OPLAH: variants seen among roughly 807,000 people sequenced by gnomAD.
OPLAH encodes the protein 5-oxoprolinase, ATP-hydrolysing.
In OPLAH, 103 loss-of-function variants were observed where a neutral mutation model predicts 122.8. The ratio of observed to expected loss-of-function variants is 0.84; its 90% confidence interval spans 0.71 to 0.99. The LOEUF (loss-of-function observed/expected upper bound fraction) is 0.99. OPLAH is among the 50% of genes least tolerant of loss of function. The pLI, the probability that OPLAH is intolerant of heterozygous loss-of-function variation, is 0.00. For synonymous variants in OPLAH, 875 were observed against 796.0 expected (o/e 1.10, Z -1.67); for missense variants, 1,902 against 1,836.5 (o/e 1.04, Z -0.65).
intron 19 of OPLAH, 92 bp downstream of exon 19, chr8:144,054,469 G>A (rs1361779028): frequency 2.2e-6 from 3 of 1,361,998 alleles, no homozygotes; most frequent in Non-Finnish European, 3.0e-6. Context: ...TGGGCCTATG[G>A]GCTGCATCCC....
chr8:144,062,069 C>G (rs1835672809), upstream of OPLAH, among the ~76,000 whole-genome samples: 1 of 151,850 alleles, frequency 6.6e-6, no homozygotes, highest in African/African-American at 2.4e-5. Context: ...GGTGCTCTGT[C>G]TATGGGGTAA....
chr8:144,056,524 C>T lies in OPLAH; in HGVS notation c.1845-1G>A. On this transcript the variant is annotated splice_acceptor_variant, in intron 13 of 26. Transcript: ENST00000618853. LOFTEE classifies it high-confidence loss of function. ...GACAAAGCCAAACTCCCTCATGTAC[C>T]TGCACTCCCCGCGGGGACCCAAGGA... The T allele has an allele frequency of 6.2e-7, 1 of 1,612,134 alleles. No homozygotes were observed. The highest frequency in any genetic ancestry group is 1.1e-5 in the South Asian group (1 of 91,026).
chr8:144,055,957 C>CA lies in OPLAH; in HGVS notation c.2097-19dup. 6.4e-7 allele frequency: 1 copy of CA among 1,551,230 alleles called. No individual in the cohort carries two copies. The highest frequency in any genetic ancestry group is 1.2e-5 in the South Asian group (1 of 83,876). ...GGATGGTGCTGGGGAGCAGAGGGCA[C>CA]AGAGGGCTGCATGGGGCCAGGCGAC... On this transcript the variant is annotated intron_variant, in intron 15 of 26. Coordinates refer to ENST00000618853, the MANE Select transcript of OPLAH (RefSeq NM_017570.5). The surrounding 1 kb of genome is among the most constrained non-coding windows in gnomAD (Gnocchi z 6.5).
chr8:144,051,490 GGC>G lies in OPLAH; in HGVS notation c.3721-20_3721-19del, dbSNP rs781891990. On this transcript the variant is annotated intron_variant, in intron 26 of 26. Transcript: ENST00000618853. ...AACACATCCTGTTGGCGCGGGGGGG[GGC>G]GGGGAGGCGGGCTCAGTGCAGGCGT... 1.2e-3 allele frequency: 1,778 copies of G among 1,425,738 alleles called. 45 individuals are homozygous for G. In the African/African-American group the frequency reaches 0.021, roughly 17 times the overall value. 88.3% of individuals were successfully genotyped at this position (1,425,738 alleles called of 1,614,324 possible).
Position 144,056,380 on chromosome 8 carries a change from C to A in OPLAH, c.1983+5G>T. 1 of 1,602,724 alleles carries A rather than the reference C, an allele frequency of 6.2e-7. No homozygotes were observed. The highest frequency in any genetic ancestry group is 8.5e-7 in the Non-Finnish European group (1 of 1,174,778). On this transcript the variant is annotated splice_donor_5th_base_variant and intron_variant, in intron 14 of 26. Coordinates refer to ENST00000618853, the MANE Select transcript of OPLAH (RefSeq NM_017570.5). Reference sequence around the variant, plus strand: ...TGTCAGGCTGGCACAGGCAGGACCACCAACCTTGTCCACCCGGGGAGGCCC... The same window carrying A: ...TGTCAGGCTGGCACAGGCAGGACCAACAACCTTGTCCACCCGGGGAGGCCC...
At position 144,056,430 on chromosome 8, in the gene OPLAH, G is replaced by A. The variant is rs782459886; in HGVS notation, c.1938C>T (p.Leu646=). Reference sequence around the variant, plus strand: ...CGGTCTGGGCTTTGGGGGCATCCTCGAGGCGAAGACCACTGCGGCCGGTGC... The same window carrying A: ...CGGTCTGGGCTTTGGGGGCATCCTCAAGGCGAAGACCACTGCGGCCGGTGC... ...VRGTGRSGLR[L]EDAPKAQTGP... is the part of the protein sequence containing the mutation. The change falls in exon 14 of 27, where the codon CTC becomes CTT. Residue 646 remains leucine, a synonymous_variant. Coordinates refer to ENST00000618853, the MANE Select transcript of OPLAH (RefSeq NM_017570.5). 6.2e-6 allele frequency: 10 copies of A among 1,609,290 alleles called. No individual in the cohort carries two copies. Among genetic ancestry groups the A allele is most frequent in the African/African-American group, 2.7e-5 (2 of 74,840 alleles).
Position 144,060,304 on chromosome 8 carries a change from G to C in OPLAH, c.-53-219C>G, listed in dbSNP as rs968077339. 5.3e-5 allele frequency among the ~76,000 whole-genome samples: 8 copies of C among 152,378 alleles called. No individual in the cohort carries two copies. In the East Asian group the frequency reaches 5.8e-4, roughly 11 times the overall value. On this transcript the variant is annotated intron_variant, in intron 1 of 26. Transcript: ENST00000618853. ...CCATGCCCAGCATCGCGCTTCTCCG[G>C]GCCCTGGACTGGGCCGAAACCCAGG...
At position 144,055,373 on chromosome 8, in the gene OPLAH, A is replaced by G. The variant is rs2129787457; in HGVS notation, c.2249-184T>C. 6.6e-6 allele frequency among the ~76,000 whole-genome samples: 1 copy of G among 152,080 alleles called. No individual in the cohort carries two copies. Among genetic ancestry groups the G allele is most frequent in the Non-Finnish European group, 1.5e-5 (1 of 67,950 alleles). On this transcript the variant is annotated intron_variant, in intron 16 of 26. Transcript: ENST00000618853. The surrounding 1 kb of genome is among the most constrained non-coding windows in gnomAD (Gnocchi z 6.5). ...CCACGTCTTAGCCTATGTAAAGGACACCACCTTCCCCAGCCCTGCCTGGAG... is the reference window on the plus strand; with the variant it reads ...CCACGTCTTAGCCTATGTAAAGGACGCCACCTTCCCCAGCCCTGCCTGGAG...
Position 144,057,608 on chromosome 8 carries a change from T to G in OPLAH, c.1262A>C (p.Glu421Ala). 1 of 1,591,542 alleles carries G rather than the reference T, an allele frequency of 6.3e-7. No homozygotes were observed. The highest frequency in any genetic ancestry group is 8.6e-7 in the Non-Finnish European group (1 of 1,168,216). ...GPGENQPLSP[E>A]ASRKALEAVA... ...AGCCTCCAGGGCTTTGCGGGAGGCC[T>G]CAGGGGAAAGTGGTTGGTTCTCTCC... The change falls in exon 10 of 27, where the codon GAG becomes GCG. Residue 421 changes from glutamate to alanine, a missense_variant. By Grantham distance (107) the Glu-to-Ala change is moderately radical. Coordinates refer to ENST00000618853, the MANE Select transcript of OPLAH (RefSeq NM_017570.5).
At chr8:144,057,811 G>A (rs782700679) in intron 9 of OPLAH, 45 bp downstream of exon 9, 5 of 1,603,896 alleles carry the variant, frequency 3.1e-6, no homozygotes, top group Admixed American at 1.7e-5. Flanking sequence ...GGCCTGCGGC[G>A]GCAAGCGGAG....
upstream of OPLAH, among the ~76,000 whole-genome samples, chr8:144,061,625 T>C (rs1835665172): frequency 6.6e-6 from 1 of 152,182 alleles, no homozygotes; most frequent in South Asian, 2.1e-4. Context: ...CCATGGCGGT[T>C]TACCAGGGCC....
chr8:144,057,747 T>C (rs782268047), intron 9 of OPLAH, 34 bp from the exon 10 acceptor site: 2 of 1,609,964 alleles, frequency 1.2e-6, no homozygotes, highest in South Asian at 1.1e-5. Flanking sequence ...GCTTGGGGGC[T>C]GGAGGCAGGG....
At position 144,059,694 on chromosome 8, in the gene OPLAH, C is replaced by G; in HGVS notation, c.268G>C (p.Glu90Gln). Residue 90 changes from glutamate (E) to glutamine (Q), a missense_variant, in exon 3 of 27, where the codon GAG (glutamate) becomes CAG (glutamine). Coordinates refer to ENST00000618853, the MANE Select transcript of OPLAH (RefSeq NM_017570.5). ...AGCGCCACCCGCTCCCCCTTCCGCTCCAGCAGTGCGTTGGTGGCCACTGTG... is the reference window on the plus strand; with the variant it reads ...AGCGCCACCCGCTCCCCCTTCCGCTGCAGCAGTGCGTTGGTGGCCACTGTG... ...GTTVATNALL[E>Q]RKGERVALLV... 4 of 1,612,264 alleles carry G rather than the reference C, an allele frequency of 2.5e-6. No individual in the cohort carries two copies. Among genetic ancestry groups the G allele is most frequent in the Non-Finnish European group, 3.4e-6 (4 of 1,179,828 alleles).
Position 144,051,760 on chromosome 8 carries a change from C to G in OPLAH, c.3689G>C (p.Gly1230Ala). The change falls in exon 26 of 27, where the codon GGC becomes GCC. Residue 1230 changes from glycine to alanine, a missense_variant. Coordinates refer to ENST00000618853, the MANE Select transcript of OPLAH (RefSeq NM_017570.5). ...IRKNGRTVNL[G>A]GKTSVTVYPG... ...GTACACGGTCACCGACGTCTTGCCG[C>G]CCAGATTCACCGTCCGGCCGTTTTT... 6.2e-7 allele frequency: 1 copy of G among 1,607,376 alleles called. No individual in the cohort carries two copies. The highest frequency in any genetic ancestry group is 8.5e-7 in the Non-Finnish European group (1 of 1,178,462).
intron 3 of OPLAH, 107 bp from the exon 4 acceptor site, chr8:144,059,186 G>A (rs1234817226): frequency 2.2e-5 from 20 of 910,198 alleles, no homozygotes; most frequent in East Asian, 1.6e-4. Context: ...CAGGCCGGTC[G>A]GCAGGCCCAG....
chr8:144,058,827 C>T lies in OPLAH; in HGVS notation c.533G>A (p.Gly178Glu), dbSNP rs567673669. ...DLGALRGKLE[G>E]LLSRGIRSLA... Reference sequence around the variant, plus strand: ...GCTGCGGATGCCTCGAGATAGCAGCCCCTCCAGCTTCCCACGCAGGGCCCC... The same window carrying T: ...GCTGCGGATGCCTCGAGATAGCAGCTCCTCCAGCTTCCCACGCAGGGCCCC... Residue 178 changes from glycine to glutamate, a missense_variant, in exon 5 of 27, where the codon GGG becomes GAG. Gly to Glu is a moderately conservative substitution (Grantham distance 98). This residue lies in a region of OPLAH where 1,726 missense variants were observed against 1,642.1 expected (regional missense o/e 1.05). Coordinates refer to ENST00000618853, the MANE Select transcript of OPLAH (RefSeq NM_017570.5). 6.3e-6 allele frequency: 10 copies of T among 1,594,548 alleles called. No homozygotes were observed. In the Admixed American group the frequency reaches 8.7e-5, roughly 14 times the overall value.
At position 144,052,842 on chromosome 8, in the gene OPLAH, G is replaced by A. The variant is rs1246669164; in HGVS notation, c.3077C>T (p.Ala1026Val). The A allele has an allele frequency of 1.3e-6, 2 of 1,555,722 alleles. No individual in the cohort carries two copies. Among genetic ancestry groups the A allele is most frequent in the African/African-American group, 2.7e-5 (2 of 73,294 alleles). Residue 1026 changes from alanine (A) to valine (V), a missense_variant, in exon 22 of 27, where the codon GCA becomes GTA. Physicochemically the swap from Ala to Val is moderately conservative, Grantham distance 64. Around this residue, in one of 3 missense-constraint regions of OPLAH, gnomAD observed 1,726 missense variants for 1,642.1 expected, o/e 1.05. Transcript: ENST00000618853. ...TGPEVFGNLN[A>V]PRAVTLSALI... ...GGCGGACAGGGTTACGGCCCGCGGT[G>A]CGTTGAGATTACCAAACACCTCCGG... is the stretch of plus-strand genomic sequence containing the variant.
At position 144,057,718 on chromosome 8, in the gene OPLAH, G is replaced by A. The variant is rs782551943; in HGVS notation, c.1157-5C>T. The A allele has an allele frequency of 6.2e-7, 1 of 1,609,932 alleles. No individual in the cohort carries two copies. The highest frequency in any genetic ancestry group is 1.1e-5 in the South Asian group (1 of 90,960). On this transcript the variant is annotated splice_region_variant and splice_polypyrimidine_tract_variant and intron_variant, in intron 9 of 26. Coordinates refer to ENST00000618853, the MANE Select transcript of OPLAH (RefSeq NM_017570.5). ...CCGTCACTGTCACAGGGCCCCCTGG[G>A]AGGTGGACAGGGTGTGGGGCTTGGG...
upstream of OPLAH, among the ~76,000 whole-genome samples, chr8:144,062,466 C>A (rs1273011365): frequency 6.6e-6 from 1 of 151,892 alleles, no homozygotes; most frequent in Non-Finnish European, 1.5e-5. Flanking sequence ...CTGCTCTGAG[C>A]AGTCCGTGGG....
Sources: allele counts gnomAD v4.1 joint callset (sites outside exome capture counted in the v4.1 genomes callset), GRCh38; gene constraint gnomAD v4.1.1; regional missense constraint gnomAD v4.1.1; non-coding constraint Gnocchi (gnomAD v3.1); transcripts MANE v1.5; gene names NCBI Gene and HGNC (gene_info 2026-07-23, HGNC 2026-07-21).